The following UNC45B variants were observed in gnomAD, a reference collection of about 807,000 sequenced individuals.
UNC45B encodes the protein unc-45 myosin chaperone B.
In UNC45B, 78 loss-of-function variants were observed where a neutral mutation model predicts 98.7. That is an observed-to-expected ratio of 0.79 (90% CI 0.66 to 0.95). The LOEUF (loss-of-function observed/expected upper bound fraction) is 0.95. Ranked by LOEUF, UNC45B falls within the 40% of genes least tolerant of loss-of-function variation. UNC45B has a pLI of 0.00. For synonymous variants in UNC45B, 462 were observed against 480.4 expected, an observed-to-expected ratio of 0.96 and a Z score of 0.50; for missense variants, 1,225 against 1,184.9, an observed-to-expected ratio of 1.03 and a Z score of -0.50.
Position 35,170,136 on chromosome 17 carries a change from G to A in UNC45B, c.1570G>A (p.Asp524Asn). 2 of 1,613,030 alleles carry A rather than the reference G, an allele frequency of 1.2e-6. No individual in the cohort carries two copies. Among genetic ancestry groups the A allele is most frequent in the East Asian group, 4.5e-5 (2 of 44,868 alleles). The change falls in exon 12 of 20, where the codon GAC becomes AAC. Residue 524 changes from aspartate to asparagine, a missense_variant. Asp to Asn is a conservative substitution (Grantham distance 23). Coordinates refer to ENST00000394570, the MANE Select transcript of UNC45B (RefSeq NM_001267052.2). ...CRKWLCNMSI[D>N]TRTRRWAVEG... ...CAGGTGGCTGTGCAATATGTCCATA[G>A]ACACTCGGACCCGACGCTGGGCAGT...
At chr17:35,163,606 A>C (rs2142553127) in intron 8 of UNC45B, among the ~76,000 whole-genome samples, 1 of 152,300 alleles carries the variant, frequency 6.6e-6, no homozygotes, top group South Asian at 2.1e-4. Context: ...GAGCCCTCAA[A>C]CTTTATGAGG....
chr17:35,166,086 T>TAAAAAAAAAAAAAAAAAAA (rs55844448), intron 9 of UNC45B, among the ~76,000 whole-genome samples: 30 of 58,108 alleles, frequency 5.2e-4, no homozygotes, highest in African/African-American at 2.1e-3. Context: ...CCCTCATCTC[T>TAAAAAAAAAAAAAAAAAAA]AAAAAAAAAA....
At chr17:35,148,543 G>A (rs1380380587) in intron 2 of UNC45B, 112 bp downstream of exon 2, 1 of 1,292,842 alleles carries the variant, frequency 7.7e-7, no homozygotes, top group African/African-American at 1.5e-5. Flanking sequence ...GACTCTCCTG[G>A]ATGCCTGGGG....
chr17:35,174,449 T>C (rs1220214946), intron 14 of UNC45B, 80 bp downstream of exon 14: 5 of 1,576,774 alleles, frequency 3.2e-6, no homozygotes, highest in South Asian at 1.1e-5. Flanking sequence ...GGCAGGGAGA[T>C]AGAAATGGTG....
chr17:35,155,386 C>T lies in UNC45B; in HGVS notation c.730C>T (p.Leu244=), dbSNP rs986828665. Residue 244 remains leucine (L), a synonymous_variant, in exon 7 of 20, where the codon CTG becomes TTG. Transcript: ENST00000394570. Reference sequence around the variant, plus strand: ...GGAGATGTCTCTGGCTGTCTGCAACCTGCTCCAAGCCATCATTGACTCCTT... The same window carrying T: ...GGAGATGTCTCTGGCTGTCTGCAACTTGCTCCAAGCCATCATTGACTCCTT... ...NEEMSLAVCN[L]LQAIIDSLSG... is the part of the protein sequence containing the mutation. The T allele has an allele frequency of 1.9e-6, 3 of 1,614,064 alleles. No individual in the cohort carries two copies. The African/African-American group carries it at 4.0e-5, about 22-fold the overall frequency.
At chr17:35,186,260 C>A in intron 19 of UNC45B, 39 bp from the exon 20 acceptor site, 1 of 1,605,838 alleles carries the variant, frequency 6.2e-7, no homozygotes, top group South Asian at 1.1e-5. Flanking sequence ...GGGACACACT[C>A]AAACCTAGCA....
rs1328541012 is a variant in UNC45B at position 35,187,231 on chromosome 17, G to C, written c.*672G>C. 2.0e-5 allele frequency: 3 copies of C among 152,342 alleles called. No homozygotes were observed. The highest frequency in any genetic ancestry group is 6.5e-5 in the Admixed American group (1 of 15,274). 9.4% of individuals were successfully genotyped at this position (152,342 alleles called of 1,614,324 possible). A position where few individuals can be genotyped will look rare whatever the true frequency, so the allele number is the denominator to read the frequency against. The stretch of plus-strand genomic sequence containing the variant: ...CAAACAAAAAATAAATAATTCATTG[G>C]CTCATGTATCTTGGCCACCCAGGGA... On this transcript the variant is annotated 3_prime_UTR_variant, in exon 20 of 20. Coordinates refer to ENST00000394570, the MANE Select transcript of UNC45B (RefSeq NM_001267052.2).
chr17:35,185,539 C>A (rs182918046), intron 19 of UNC45B, among the ~76,000 whole-genome samples: 1 of 152,078 alleles, frequency 6.6e-6, no homozygotes, highest in African/African-American at 2.4e-5. Flanking sequence ...AACTCCTGAC[C>A]TCATGCTCCG....
Position 35,180,162 on chromosome 17 carries a change from G to A in UNC45B, c.2256-397G>A, listed in dbSNP as rs575136300. On this transcript the variant is annotated intron_variant, in intron 17 of 19. Transcript: ENST00000394570. ...TCTCTCTGTCTCTCCTCTCCTTTCT[G>A]TATTGCTTTAATTCTCAATGGGCTT... Among the ~76,000 whole-genome samples the A allele has an allele frequency of 5.3e-5, 8 of 152,038 alleles. No homozygotes were observed. In the South Asian group the frequency reaches 1.7e-3, roughly 32 times the overall value.
chr17:35,168,410 A>G (rs746820834), intron 10 of UNC45B, 49 bp downstream of exon 10: 2 of 1,297,838 alleles, frequency 1.5e-6, no homozygotes, highest in Admixed American at 6.1e-5. Context: ...GTGCCATGCC[A>G]GGCACCAGGG....
chr17:35,169,859 C>T lies in UNC45B; in HGVS notation c.1475C>T (p.Ala492Val), dbSNP rs751116927. 6.2e-7 allele frequency: 1 copy of T among 1,614,176 alleles called. No individual in the cohort carries two copies. Reference protein sequence around the residue: ...TLVGLCKLGSAGGTDYGLRQF... With the variant: ...TLVGLCKLGSVGGTDYGLRQF... ...CAGGGACTCTGTAAGCTCGGCTCTGCAGGTGGCACAGACTACGGTCTCAGG... is the reference window on the plus strand; with the variant it reads ...CAGGGACTCTGTAAGCTCGGCTCTGTAGGTGGCACAGACTACGGTCTCAGG... The change falls in exon 11 of 20, where the codon GCA becomes GTA. Residue 492 changes from alanine (A) to valine (V), a missense_variant. Coordinates refer to ENST00000394570, the MANE Select transcript of UNC45B (RefSeq NM_001267052.2).
intron 12 of UNC45B, among the ~76,000 whole-genome samples, chr17:35,170,632 T>C (rs531600131): frequency 3.6e-4 from 55 of 151,064 alleles, no homozygotes; most frequent in African/African-American, 1.3e-3. Context: ...GCTCTGGGGT[T>C]CAGGACCAGC....
At chr17:35,170,002 C>T (rs1026497078) in intron 11 of UNC45B, 71 bp downstream of exon 11, 1 of 1,609,826 alleles carries the variant, frequency 6.2e-7, no homozygotes, top group Non-Finnish European at 8.5e-7. Flanking sequence ...CTGGGGTGTG[C>T]TCTAGTGGAG....
At chr17:35,148,142 G>A in intron 1 of UNC45B, 122 bp from the exon 2 acceptor site, 2 of 1,125,320 alleles carry the variant, frequency 1.8e-6, no homozygotes, top group South Asian at 1.5e-5. Flanking sequence ...TCCCTTCCAG[G>A]CAGAATCCCC....
At chr17:35,159,323 A>G (rs2142544883) in intron 7 of UNC45B, 52 bp from the exon 8 acceptor site, 1 of 1,524,938 alleles carries the variant, frequency 6.6e-7, no homozygotes, top group Non-Finnish European at 9.0e-7. Flanking sequence ...TTGGTCATAT[A>G]TATGTGAGAT....
intron 7 of UNC45B, among the ~76,000 whole-genome samples, chr17:35,158,163 C>A (rs1263762983): frequency 6.6e-6 from 1 of 152,198 alleles, no homozygotes; most frequent in Non-Finnish European, 1.5e-5. Context: ...GGCCACTGCG[C>A]CCAGCCCTGA....
Position 35,155,207 on chromosome 17 carries a change from T to G in UNC45B, c.640-89T>G, listed in dbSNP as rs1203432744. 2.7e-6 allele frequency: 4 copies of G among 1,490,422 alleles called. No homozygotes were observed. The African/African-American group carries it at 4.1e-5, about 15-fold the overall frequency. The allele number at this position is 1,490,422 out of a possible 1,614,324, so 92.3% of individuals were successfully genotyped here. A position where few individuals can be genotyped will look rare whatever the true frequency, so the allele number is the denominator to read the frequency against. ...GATTTCTCTACTGCATGGGATAGGG[T>G]GGGGAGGATTATCACACCCTCTCTA... On this transcript the variant is annotated intron_variant, in intron 6 of 19. Coordinates refer to ENST00000394570, the MANE Select transcript of UNC45B (RefSeq NM_001267052.2).
chr17:35,167,171 G>A (rs2092147100), intron 9 of UNC45B, among the ~76,000 whole-genome samples: 1 of 152,208 alleles, frequency 6.6e-6, no homozygotes, highest in African/African-American at 2.4e-5. Context: ...CATCACGCTA[G>A]GCCTTTTTGT....
chr17:35,175,055 GGAAAGAA>G (rs2092219518), intron 14 of UNC45B, among the ~76,000 whole-genome samples: 1 of 111,736 alleles, frequency 8.9e-6, no homozygotes, highest in Non-Finnish European at 1.8e-5. Context: ...AAGAAAGAAA[GGAAAGAA>G]GAAAGAAAGA....
Sources: gnomAD v4.1 joint callset for allele counts (sites outside exome capture counted in the v4.1 genomes callset) on GRCh38, gnomAD v4.1.1 for gene constraint, MANE v1.5 for transcripts, NCBI Gene and HGNC (gene_info 2026-07-23, HGNC 2026-07-21) for gene names.